CLPB: variants seen among roughly 807,000 people sequenced by gnomAD.
CLPB encodes ClpB family mitochondrial disaggregase, also known as mitochondrial disaggregase.
A neutral mutation model predicts 78.4 loss-of-function variants in CLPB; 40 were observed. The ratio of observed to expected loss-of-function variants is 0.51; its 90% CI spans 0.40 to 0.66. CLPB has a LOEUF of 0.66. Ranked by LOEUF, CLPB falls within the 30% of genes least tolerant of loss-of-function variation. The probability of loss-of-function intolerance (pLI) is 0.00; values close to 1 mark genes in which losing one functional copy is unlikely to be tolerated. For synonymous variants in CLPB, 333 were observed against 348.0 expected (o/e 0.96, Z 0.48); for missense variants, 780 against 886.9 (o/e 0.88, Z 1.53).
chr11:72,316,494 G>A (rs148333373), intron 7 of CLPB, among the ~76,000 whole-genome samples: 71 of 152,344 alleles, frequency 4.7e-4, no homozygotes, highest in African/African-American at 1.3e-3. Context: ...TTATCTGCTC[G>A]TTGGGTCTGC....
intron 3 of CLPB, among the ~76,000 whole-genome samples, chr11:72,386,396 CA>C (rs1408844641): frequency 6.6e-6 from 1 of 152,198 alleles, no homozygotes; most frequent in Non-Finnish European, 1.5e-5. Flanking sequence ...GCATTTTAAA[CA>C]AATTACTTAT....
At chr11:72,431,517 T>C (rs561869999) in intron 1 of CLPB, among the ~76,000 whole-genome samples, 1 of 152,322 alleles carries the variant, frequency 6.6e-6, no homozygotes, top group Admixed American at 6.5e-5. Flanking sequence ...CAATACACCT[T>C]ATCATGCATA....
intron 2 of CLPB, among the ~76,000 whole-genome samples, chr11:72,424,972 A>T (rs1398447635): frequency 6.6e-6 from 1 of 152,130 alleles, no homozygotes; most frequent in African/African-American, 2.4e-5. Flanking sequence ...GCTACTCGGG[A>T]AGCTGACGTA....
chr11:72,324,573 G>T (rs985306051), intron 6 of CLPB, among the ~76,000 whole-genome samples: 1 of 151,676 alleles, frequency 6.6e-6, no homozygotes, highest in East Asian at 1.9e-4. Context: ...TCAAAAAAAA[G>T]AAAAAAATAA....
intron 5 of CLPB, among the ~76,000 whole-genome samples, chr11:72,349,941 C>T (rs947135855): frequency 2.0e-5 from 3 of 152,218 alleles, no homozygotes; most frequent in African/African-American, 7.2e-5. Context: ...GAGGTCATGC[C>T]GGATACCGGC....
chr11:72,388,884 G>T lies in CLPB; in HGVS notation c.543-8500C>A, dbSNP rs539952321. ...AGAAACACGGTAGAAGGCTAGCCAG[G>T]TTAGAGAAATCTAAGGCAAGGATGG... On this transcript the variant is annotated intron_variant, in intron 3 of 15. Coordinates refer to ENST00000538039, the MANE Select transcript of CLPB (RefSeq NM_001258392.3). Among the ~76,000 whole-genome samples the T allele has an allele frequency of 2.6e-5, 4 of 152,264 alleles. No homozygotes were observed. In the South Asian group the frequency reaches 8.3e-4, roughly 32 times the overall value.
chr11:72,421,484 C>A (rs1856196987), intron 2 of CLPB, among the ~76,000 whole-genome samples: 1 of 152,160 alleles, frequency 6.6e-6, no homozygotes, highest in South Asian at 2.1e-4. Context: ...GAGGAATTTT[C>A]CAGACAAGGA....
At chr11:72,360,451 T>C (rs1460059761) in intron 4 of CLPB, among the ~76,000 whole-genome samples, 3 of 152,194 alleles carry the variant, frequency 2.0e-5, no homozygotes, top group Non-Finnish European at 4.4e-5. Flanking sequence ...AATAGATTTT[T>C]TTTTTTTGGA....
chr11:72,355,988 A>G (rs1188552618), intron 5 of CLPB, among the ~76,000 whole-genome samples: 1 of 152,142 alleles, frequency 6.6e-6, no homozygotes, highest in Non-Finnish European at 1.5e-5. Context: ...ACAGCCTAAG[A>G]AAACCGGATG....
At chr11:72,399,328 C>A (rs945548605) in intron 3 of CLPB, among the ~76,000 whole-genome samples, 2 of 151,952 alleles carry the variant, frequency 1.3e-5, no homozygotes, top group African/African-American at 4.8e-5. Context: ...AAAAGAGAAT[C>A]TCTGGTTCAA....
intron 4 of CLPB, among the ~76,000 whole-genome samples, chr11:72,379,156 G>A (rs1028613926): frequency 3.6e-4 from 55 of 152,162 alleles, no homozygotes; most frequent in African/African-American, 8.9e-4. Context: ...CACATACCAC[G>A]TCAGTCTGGC....
chr11:72,398,581 T>C (rs1855474976), intron 3 of CLPB, among the ~76,000 whole-genome samples: 1 of 152,202 alleles, frequency 6.6e-6, no homozygotes, highest in South Asian at 2.1e-4. Flanking sequence ...TAATTGAATT[T>C]AGCTGAAGGC....
chr11:72,293,756 T>G, intron 15 of CLPB, 141 bp from the exon 16 acceptor site: 2 of 1,078,984 alleles, frequency 1.9e-6, no homozygotes, highest in South Asian at 1.7e-5. Context: ...TTGGGGCTAA[T>G]AACAGCTAGC....
intron 2 of CLPB, 62 bp from the exon 3 acceptor site, chr11:72,403,114 G>C (rs1336998994): frequency 3.4e-6 from 5 of 1,470,262 alleles, no homozygotes; most frequent in Non-Finnish European, 2.9e-6. Context: ...TCTGACAACA[G>C]CCTAAAACAA....
At chr11:72,423,315 G>A (rs763731794) in intron 2 of CLPB, among the ~76,000 whole-genome samples, 21 of 150,748 alleles carry the variant, frequency 1.4e-4, no homozygotes, top group Middle Eastern at 3.2e-3. Context: ...TCCACATCTC[G>A]GTGAATGGCA....
intron 3 of CLPB, among the ~76,000 whole-genome samples, chr11:72,387,203 A>G (rs186609343): frequency 6.6e-6 from 1 of 152,354 alleles, no homozygotes; most frequent in African/African-American, 2.4e-5. Context: ...AGAGAAGGGA[A>G]AGTTCTGTCT....
chr11:72,424,596 A>T (rs1451801828), intron 2 of CLPB, among the ~76,000 whole-genome samples: 1 of 148,488 alleles, frequency 6.7e-6, no homozygotes, highest in Non-Finnish European at 1.5e-5. Flanking sequence ...ATTTCTACTT[A>T]AAAAAAAAAC....
chr11:72,431,497 C>T (rs1363984062), intron 1 of CLPB, among the ~76,000 whole-genome samples: 1 of 152,208 alleles, frequency 6.6e-6, no homozygotes, highest in Non-Finnish European at 1.5e-5. Flanking sequence ...CCTTAGTTTC[C>T]TTATCTGTAC....
Position 72,338,168 on chromosome 11 carries a change from T to G in CLPB, c.776-8364A>C, listed in dbSNP as rs143794850. ...AGGGATAGAAATAATGTCATTATACTACAGGGGAGTGAGGAGATGAGGATG... is the reference window on the plus strand; with the variant it reads ...AGGGATAGAAATAATGTCATTATACGACAGGGGAGTGAGGAGATGAGGATG... On this transcript the variant is annotated intron_variant, in intron 5 of 15. Coordinates refer to ENST00000538039, the MANE Select transcript of CLPB (RefSeq NM_001258392.3). Among the ~76,000 whole-genome samples, 57 of 152,276 alleles carry G rather than the reference T, an allele frequency of 3.7e-4. 2 individuals carry two copies. In the East Asian group the frequency reaches 0.011, roughly 29 times the overall value.
Sources: allele counts gnomAD v4.1 joint callset (sites outside exome capture counted in the v4.1 genomes callset), GRCh38; gene constraint gnomAD v4.1.1; transcripts MANE v1.5; gene names NCBI Gene and HGNC (gene_info 2026-07-23, HGNC 2026-07-21).